Variants in NUP93 observed in about 807,000 individuals in gnomAD.
NUP93 encodes nuclear pore complex protein Nup93.
In NUP93, 55 loss-of-function variants were observed where a neutral mutation model predicts 107.8. The observed-to-expected ratio is 0.51, with a 90% confidence interval of 0.41 to 0.64. NUP93 has a LOEUF of 0.64. NUP93 is among the 30% of genes least tolerant of loss of function. The pLI is 0.00. For missense variants in NUP93, 937 were observed against 1,044.7 expected (o/e 0.90, Z 1.42); for synonymous variants, 390 against 397.5 (o/e 0.98, Z 0.22).
intron 4 of NUP93, among the ~76,000 whole-genome samples, chr16:56,800,052 G>A (rs1171861244): frequency 1.8e-4 from 28 of 152,056 alleles, no homozygotes; most frequent in Admixed American, 1.7e-3. Context: ...GTGTGGTGGC[G>A]CACACCTATA....
intron 20 of NUP93, chr16:56,839,920 G>A (rs1350051128): frequency 3.1e-6 from 1 of 323,718 alleles, no homozygotes; most frequent in African/African-American, 2.2e-5. Flanking sequence ...GTGCTAGAGG[G>A]TATTTTAGTG....
intron 13 of NUP93, 56 bp downstream of exon 13, chr16:56,833,462 G>A (rs1278989189): frequency 8.6e-6 from 12 of 1,397,772 alleles, no homozygotes; most frequent in Non-Finnish European, 1.1e-5. Context: ...CCCCCTTGGG[G>A]CGACGGTGGC....
chr16:56,812,463 C>G (rs1234224422), intron 5 of NUP93, among the ~76,000 whole-genome samples: 2 of 152,116 alleles, frequency 1.3e-5, no homozygotes, highest in African/African-American at 4.8e-5. Flanking sequence ...CCTGCCTCAG[C>G]CTCCCGAATA....
intron 5 of NUP93, among the ~76,000 whole-genome samples, chr16:56,816,596 C>T (rs1399649300): frequency 3.3e-5 from 5 of 152,172 alleles, no homozygotes; most frequent in Non-Finnish European, 5.9e-5. Flanking sequence ...ACAGGCCCCC[C>T]GCCTCAACCC....
At chr16:56,786,714 G>A (rs1339946209) in intron 3 of NUP93, among the ~76,000 whole-genome samples, 1 of 152,172 alleles carries the variant, frequency 6.6e-6, no homozygotes, top group Non-Finnish European at 1.5e-5. Flanking sequence ...TCCTGGGATG[G>A]GCAGAGTTGT....
At chr16:56,834,309 A>C in intron 14 of NUP93, 55 bp downstream of exon 14, 5 of 1,613,532 alleles carry the variant, frequency 3.1e-6, no homozygotes, top group East Asian at 2.2e-5. Context: ...TGCCATTCTG[A>C]GAATGACTAT....
intron 8 of NUP93, among the ~76,000 whole-genome samples, chr16:56,824,610 G>T (rs1473555124): frequency 1.3e-5 from 2 of 152,176 alleles, no homozygotes; most frequent in Non-Finnish European, 2.9e-5. Flanking sequence ...TAAATTGCAG[G>T]CCTTTGCCAC....
intron 5 of NUP93, among the ~76,000 whole-genome samples, chr16:56,810,328 G>C (rs1963286099): frequency 6.6e-6 from 1 of 152,210 alleles, no homozygotes; most frequent in Non-Finnish European, 1.5e-5. Context: ...AAAGTGCACA[G>C]ACGTAAGTAT....
intron 20 of NUP93, 94 bp downstream of exon 20, chr16:56,839,698 A>G: frequency 9.9e-7 from 1 of 1,007,482 alleles, no homozygotes; most frequent in Non-Finnish European, 1.5e-6. Context: ...TAAGAATTCT[A>G]GTTACAGTAA....
intron 2 of NUP93, among the ~76,000 whole-genome samples, chr16:56,749,059 A>G (rs375198845): frequency 4.2e-4 from 64 of 152,316 alleles, no homozygotes; most frequent in African/African-American, 1.5e-3. Context: ...CTGCTGCCAC[A>G]CAGCATCAGT....
At chr16:56,810,902 T>C (rs1303085424) in intron 5 of NUP93, among the ~76,000 whole-genome samples, 4 of 152,230 alleles carry the variant, frequency 2.6e-5, no homozygotes, top group Non-Finnish European at 5.9e-5. Flanking sequence ...TGGAGTCATA[T>C]AGTATCTACT....
At chr16:56,816,032 G>A (rs1333698968) in intron 5 of NUP93, among the ~76,000 whole-genome samples, 1 of 152,204 alleles carries the variant, frequency 6.6e-6, no homozygotes, top group Non-Finnish European at 1.5e-5. Flanking sequence ...GGATAGAGCA[G>A]TAGCAAAGAG....
At position 56,749,091 on chromosome 16, in the gene NUP93, G is replaced by A. The variant is rs112564840; in HGVS notation, c.179+665G>A. 3.1e-3 allele frequency among the ~76,000 whole-genome samples: 472 copies of A among 152,278 alleles called. 3 individuals are homozygous for A. The highest frequency in any genetic ancestry group is 0.011 in the African/African-American group (447 of 41,556). On this transcript the variant is annotated intron_variant, in intron 2 of 21. Transcript: ENST00000308159. ...CAGTTGGGCTGTTGATTCCACAAACGTGTTTAAGGTCCACGCTGTGCCAGG... is the reference window on the plus strand; with the variant it reads ...CAGTTGGGCTGTTGATTCCACAAACATGTTTAAGGTCCACGCTGTGCCAGG...
chr16:56,832,141 C>G, intron 11 of NUP93, 134 bp downstream of exon 11: 1 of 1,247,484 alleles, frequency 8.0e-7, no homozygotes, highest in Non-Finnish European at 1.2e-6. Context: ...CTCCTGTCCC[C>G]ATTTTTTGTT....
At chr16:56,818,759 G>T (rs768577795) in intron 6 of NUP93, 21 bp downstream of exon 6, 1 of 1,604,036 alleles carries the variant, frequency 6.2e-7, no homozygotes. Flanking sequence ...TTTTAAGGGG[G>T]ATTAAGCCAG....
chr16:56,798,216 T>C (rs1281812931), intron 3 of NUP93, among the ~76,000 whole-genome samples: 2 of 152,220 alleles, frequency 1.3e-5, no homozygotes, highest in Non-Finnish European at 2.9e-5. Context: ...CTTTCCACTT[T>C]TTACATGTTT....
chr16:56,826,024 T>G (rs902240974), intron 8 of NUP93, among the ~76,000 whole-genome samples: 1 of 152,212 alleles, frequency 6.6e-6, no homozygotes, highest in Non-Finnish European at 1.5e-5. Flanking sequence ...AGGATTGGTC[T>G]GTCTCTTCCC....
chr16:56,782,181 C>A (rs1485871283), intron 3 of NUP93: 2 of 985,222 alleles, frequency 2.0e-6, no homozygotes, highest in African/African-American at 3.5e-5. Flanking sequence ...ACAGCATCGA[C>A]CGTTCTGTAA....
intron 8 of NUP93, among the ~76,000 whole-genome samples, chr16:56,828,625 T>A (rs1280157966): frequency 6.6e-6 from 1 of 152,162 alleles, no homozygotes; most frequent in Non-Finnish European, 1.5e-5. Context: ...TTTTTGTAGG[T>A]TTGAAAGTGT....
Sources: gnomAD v4.1 joint callset for allele counts (sites outside exome capture counted in the v4.1 genomes callset) on GRCh38, gnomAD v4.1.1 for gene constraint, MANE v1.5 for transcripts, NCBI Gene and HGNC (gene_info 2026-07-23, HGNC 2026-07-21) for gene names.